Variants in USP40 observed in about 807,000 individuals in gnomAD.
USP40 encodes the protein ubiquitin specific peptidase 40, also known as ubiquitin carboxyl-terminal hydrolase 40.
A neutral mutation model predicts 166.2 loss-of-function variants in USP40; 143 were observed. That is an observed-to-expected ratio of 0.86 (90% CI 0.75 to 0.99). USP40 has a LOEUF of 0.99. Among genes scored for constraint, USP40 ranks in the 50% least tolerant of loss-of-function variants. The pLI is 0.00. For missense variants in USP40, 1,444 were observed against 1,479.7 expected (o/e 0.98, Z 0.40); for synonymous variants, 498 against 524.0 (o/e 0.95, Z 0.68).
At chr2:233,548,106 C>G (rs1542325) in intron 8 of USP40, among the ~76,000 whole-genome samples, 122,341 of 152,118 alleles carry the variant, frequency 0.8, 49,358 homozygotes, top group East Asian at 0.96. Flanking sequence ...TGGCATAGTA[C>G]ATTGGTAGAG....
intron 6 of USP40, 104 bp downstream of exon 6, chr2:233,554,276 T>C: frequency 8.5e-7 from 1 of 1,175,086 alleles, no homozygotes; most frequent in South Asian, 2.6e-5. Context: ...TTTCAATCCT[T>C]AGTGTCAACA....
At chr2:233,525,451 G>A (rs766610339) in intron 14 of USP40, 27 bp downstream of exon 14, 4 of 1,577,898 alleles carry the variant, frequency 2.5e-6, no homozygotes, top group Non-Finnish European at 3.5e-6. Context: ...TATAGAGTGA[G>A]TTGCTATGTT....
chr2:233,485,191 T>C (rs1575214606), intron 30 of USP40, among the ~76,000 whole-genome samples: 1 of 152,212 alleles, frequency 6.6e-6, no homozygotes, highest in Non-Finnish European at 1.5e-5. Flanking sequence ...CCTCCTCACA[T>C]TCCTTGGATA....
chr2:233,548,186 T>C (rs1294820700), intron 8 of USP40, among the ~76,000 whole-genome samples: 1 of 152,170 alleles, frequency 6.6e-6, no homozygotes, highest in African/African-American at 2.4e-5. Flanking sequence ...CTTACACCTC[T>C]CATAGGAAAC....
At chr2:233,484,152 T>C (rs865978137) in intron 30 of USP40, among the ~76,000 whole-genome samples, 2 of 152,192 alleles carry the variant, frequency 1.3e-5, no homozygotes, top group Non-Finnish European at 1.5e-5. Context: ...AGCGAGATAC[T>C]GTCTCAACAA....
intron 31 of USP40, 30 bp from the exon 32 acceptor site, chr2:233,477,533 C>G: frequency 6.3e-7 from 1 of 1,589,694 alleles, no homozygotes. Context: ...GTCATTGACT[C>G]ATGGATGCAG....
intron 21 of USP40, among the ~76,000 whole-genome samples, chr2:233,504,159 C>T (rs1019696394): frequency 2.6e-4 from 39 of 151,778 alleles, no homozygotes; most frequent in African/African-American, 9.2e-4. Context: ...ACAGAAAATA[C>T]ACAAATAAGA....
chr2:233,525,967 T>C (rs2067996767), intron 13 of USP40, among the ~76,000 whole-genome samples: 1 of 152,164 alleles, frequency 6.6e-6, no homozygotes, highest in African/African-American at 2.4e-5. Flanking sequence ...CACACACTCA[T>C]CTTCTAGCTG....
At chr2:233,508,687 AAT>A (rs997834751) in intron 21 of USP40, among the ~76,000 whole-genome samples, 2 of 152,170 alleles carry the variant, frequency 1.3e-5, no homozygotes, top group Non-Finnish European at 2.9e-5. Flanking sequence ...TATTAGTTGG[AAT>A]ATGTTTATAA....
intron 15 of USP40, 32 bp from the exon 16 acceptor site, chr2:233,523,521 G>A (rs1258795226): frequency 6.4e-7 from 1 of 1,569,486 alleles, no homozygotes; most frequent in Admixed American, 1.8e-5. Flanking sequence ...CATTAGTACA[G>A]CTGATATTTG....
At chr2:233,510,190 A>G in intron 20 of USP40, 55 bp from the exon 21 acceptor site, 1 of 1,351,398 alleles carries the variant, frequency 7.4e-7, no homozygotes, top group South Asian at 1.3e-5. Context: ...AAAATCCAAT[A>G]AATGTATTAT....
chr2:233,502,025 C>T (rs568774711), intron 21 of USP40, among the ~76,000 whole-genome samples: 1 of 152,290 alleles, frequency 6.6e-6, no homozygotes, highest in East Asian at 1.9e-4. Flanking sequence ...TCATCAGGTA[C>T]ATCGAATGTT....
chr2:233,485,638 T>C lies in USP40; in HGVS notation c.3409-12A>G, dbSNP rs1407693436. 1.9e-6 allele frequency: 3 copies of C among 1,610,564 alleles called. No individual in the cohort carries two copies. The highest frequency in any genetic ancestry group is 2.5e-6 in the Non-Finnish European group (3 of 1,178,386). ...GTTATTTGTTGGTTCTATGGGAAAA[T>C]CAAACATCTTAAATAAGCAAAACTC... is the stretch of plus-strand genomic sequence containing the variant. On this transcript the variant is annotated splice_polypyrimidine_tract_variant and intron_variant, in intron 29 of 31. Transcript: ENST00000678225.
Position 233,489,498 on chromosome 2 carries a change from A to C in USP40, c.3013-15T>G. The stretch of plus-strand genomic sequence containing the variant: ...AAGGTCATGGCCTAGAAAAAGAAAC[A>C]GACATTTCTCCAACGGTTTTAAAAA... On this transcript the variant is annotated splice_polypyrimidine_tract_variant and intron_variant, in intron 26 of 31. Transcript: ENST00000678225. 6.4e-7 allele frequency: 1 copy of C among 1,571,328 alleles called. No homozygotes were observed. The highest frequency in any genetic ancestry group is 8.6e-7 in the Non-Finnish European group (1 of 1,157,362).
intron 31 of USP40, among the ~76,000 whole-genome samples, 196 bp from the exon 32 acceptor site, chr2:233,477,699 T>C (rs924256945): frequency 1.3e-5 from 2 of 152,254 alleles, no homozygotes; most frequent in African/African-American, 4.8e-5. Context: ...GCCAGCTGCC[T>C]TCCCCTGCTT....
chr2:233,554,151 T>C (rs73996126), intron 6 of USP40, among the ~76,000 whole-genome samples: 1,948 of 152,266 alleles, frequency 0.013, 34 homozygotes, highest in African/African-American at 0.044. Context: ...TACGAAACAC[T>C]GAGGTACAAT....
At chr2:233,516,473 G>A (rs1038336974) in intron 18 of USP40, among the ~76,000 whole-genome samples, 5 of 152,004 alleles carry the variant, frequency 3.3e-5, no homozygotes, top group South Asian at 2.1e-4. Context: ...CTAGGCGGGC[G>A]GATCACGAGG....
Position 233,491,183 on chromosome 2 carries a change from G to A in USP40, c.2996C>T (p.Ala999Val), listed in dbSNP as rs369023446. 3.3e-5 allele frequency: 53 copies of A among 1,609,216 alleles called. No homozygotes were observed. The highest frequency in any genetic ancestry group is 2.4e-4 in the Admixed American group (14 of 59,520). The change falls in exon 26 of 32, where the codon GCG (alanine) becomes GTG (valine). Residue 999 changes from alanine to valine, a missense_variant. Ala to Val is a moderately conservative substitution (Grantham distance 64, BLOSUM62 0). Coordinates refer to ENST00000678225, the MANE Select transcript of USP40 (RefSeq NM_001365479.2). ...DIEISEDATL[A>V]ELKSQAMTLP... Reference sequence around the variant, plus strand: ...AAGTCTGACCTGAGACTTCAGCTCCGCCAGCGTGGCATCTTCTGAGATCTC... The same window carrying A: ...AAGTCTGACCTGAGACTTCAGCTCCACCAGCGTGGCATCTTCTGAGATCTC...
Position 233,491,227 on chromosome 2 carries a change from G to C in USP40, c.2952C>G (p.Leu984=). 6.2e-7 allele frequency: 1 copy of C among 1,612,450 alleles called. No homozygotes were observed. Among genetic ancestry groups the C allele is most frequent in the Non-Finnish European group, 8.5e-7 (1 of 1,179,300 alleles). Residue 984 remains leucine (L), a synonymous_variant, in exon 26 of 32, where the codon CTC becomes CTG. Transcript: ENST00000678225. ...ASGNEPAQVS[L]LYLGDIEISE... ...AGATCTCTATGTCTCCCAAGTAGAG[G>C]AGAGAAACTTGCGCAGGCTCGTTCC...
Sources: gnomAD v4.1 joint callset for allele counts (sites outside exome capture counted in the v4.1 genomes callset) on GRCh38, gnomAD v4.1.1 for gene constraint, MANE v1.5 for transcripts, NCBI Gene and HGNC (gene_info 2026-07-23, HGNC 2026-07-21) for gene names.